Variants in E2F5 observed in about 807,000 individuals in gnomAD.
The protein encoded by E2F5 is E2F transcription factor 5.
A neutral mutation model predicts 39.1 loss-of-function variants in E2F5; 23 were observed. The observed-to-expected ratio is 0.59, with a 90% CI of 0.42 to 0.83. E2F5 has a LOEUF of 0.83. E2F5 is among the 40% of genes least tolerant of loss of function. E2F5 has a pLI of 0.00. For synonymous variants in E2F5, 145 were observed against 157.8 expected (o/e 0.92, Z 0.61); for missense variants, 365 against 406.7 (o/e 0.90, Z 0.88).
chr8:85,182,402 T>A (rs1242313346), intron 1 of E2F5, among the ~76,000 whole-genome samples: 2 of 152,232 alleles, frequency 1.3e-5, no homozygotes, highest in Non-Finnish European at 2.9e-5. Flanking sequence ...CAGTAGAAAG[T>A]GAGAGCTAAG....
chr8:85,177,872 A>T (rs1812120588), intron 1 of E2F5: 1 of 794,466 alleles, frequency 1.3e-6, no homozygotes. Flanking sequence ...ACGCGTAACC[A>T]ATGGGGCCCG....
chr8:85,180,879 G>A (rs1030390362), intron 1 of E2F5, among the ~76,000 whole-genome samples: 1 of 147,728 alleles, frequency 6.8e-6, no homozygotes, highest in East Asian at 2.0e-4. Flanking sequence ...GCGCCCGGCC[G>A]GTCTTGTTTG....
intron 1 of E2F5, 69 bp from the exon 2 acceptor site, chr8:85,202,078 T>C (rs1466096669): frequency 3.9e-6 from 5 of 1,278,556 alleles, no homozygotes; most frequent in Non-Finnish European, 5.6e-6. Flanking sequence ...GATTTAATAA[T>C]CAACCCTTTT....
intron 3 of E2F5, among the ~76,000 whole-genome samples, chr8:85,205,853 G>C (rs1392734845): frequency 6.6e-6 from 1 of 152,188 alleles, no homozygotes; most frequent in Non-Finnish European, 1.5e-5. Context: ...TGTGGAAGCT[G>C]ATATGGTTGC....
intron 1 of E2F5, among the ~76,000 whole-genome samples, chr8:85,184,509 T>C (rs1460421872): frequency 4.6e-5 from 7 of 152,228 alleles, no homozygotes; most frequent in Non-Finnish European, 1.0e-4. Flanking sequence ...TTGGAAGTTC[T>C]GGCCAGGGCA....
chr8:85,206,153 G>C, intron 3 of E2F5, 24 bp from the exon 4 acceptor site: 1 of 1,609,470 alleles, frequency 6.2e-7, no homozygotes, highest in Non-Finnish European at 8.5e-7. Context: ...TATAAATGTC[G>C]TTCCTTAACT....
rs1261910349 is a variant in E2F5, at chr8:85,209,128, C to T, written c.616-14C>T. On this transcript the variant is annotated splice_polypyrimidine_tract_variant and intron_variant, in intron 5 of 7. Coordinates refer to ENST00000416274, the MANE Select transcript of E2F5 (RefSeq NM_001951.4). ...TAATAATTATACATTTGTTTATACC[C>T]AATAACTTCAAAGGGTCAGAATGGA... 1.2e-6 allele frequency: 2 copies of T among 1,611,120 alleles called. No homozygotes were observed. Among genetic ancestry groups the T allele is most frequent in the Non-Finnish European group, 1.7e-6 (2 of 1,177,928 alleles).
chr8:85,214,003 T>G lies in E2F5; in HGVS notation c.*141T>G. On this transcript the variant is annotated 3_prime_UTR_variant, in exon 8 of 8. Coordinates refer to ENST00000416274, the MANE Select transcript of E2F5 (RefSeq NM_001951.4). ...GAAGTGTTCTTCCCTAATACTTTCT[T>G]TACTTCACAAAACTTCAACCATAAA... 1.6e-6 allele frequency: 1 copy of G among 616,894 alleles called. No homozygotes were observed. The highest frequency in any genetic ancestry group is 2.8e-6 in the Non-Finnish European group (1 of 353,710). The allele number at this position is 616,894 out of a possible 1,614,324, so 38.2% of individuals were successfully genotyped here.
At chr8:85,189,872 G>A (rs986843555) in intron 1 of E2F5, among the ~76,000 whole-genome samples, 51 of 152,146 alleles carry the variant, frequency 3.4e-4, no homozygotes, top group African/African-American at 1.2e-3. Context: ...GAAAAAGTCA[G>A]AGAAATGGGC....
chr8:85,213,417 C>G (rs981636788), intron 7 of E2F5: 10 of 161,020 alleles, frequency 6.2e-5, no homozygotes, highest in Non-Finnish European at 8.0e-5. Context: ...TGGCAGGCAC[C>G]TGTAGTCCCA....
chr8:85,204,158 G>A (rs1812752724), intron 3 of E2F5, among the ~76,000 whole-genome samples: 1 of 152,064 alleles, frequency 6.6e-6, no homozygotes, highest in Non-Finnish European at 1.5e-5. Context: ...GCTGTGTTCT[G>A]TGGAGCTCTG....
chr8:85,209,807 G>A (rs1228069402), intron 6 of E2F5, among the ~76,000 whole-genome samples: 3 of 152,126 alleles, frequency 2.0e-5, no homozygotes, highest in Non-Finnish European at 4.4e-5. Flanking sequence ...ATAAATTAGT[G>A]AAATATGTTC....
chr8:85,209,583 ATTCAT>A (rs1366030178), intron 6 of E2F5, among the ~76,000 whole-genome samples, 174 bp downstream of exon 6: 1 of 152,230 alleles, frequency 6.6e-6, no homozygotes, highest in East Asian at 1.9e-4. Flanking sequence ...TAAACACAGT[ATTCAT>A]TTGTTTCATA....
intron 3 of E2F5, among the ~76,000 whole-genome samples, chr8:85,205,753 G>C (rs188319225): frequency 6.6e-6 from 1 of 152,112 alleles, no homozygotes; most frequent in Non-Finnish European, 1.5e-5. Context: ...TTGTTTTTCT[G>C]AGCCTTTCTT....
At chr8:85,190,343 T>C (rs1049619099) in intron 1 of E2F5, among the ~76,000 whole-genome samples, 1 of 151,210 alleles carries the variant, frequency 6.6e-6, no homozygotes, top group Non-Finnish European at 1.5e-5. Context: ...TTTTTTTTTT[T>C]CCTTCTTTTA....
intron 1 of E2F5, among the ~76,000 whole-genome samples, chr8:85,192,368 G>A (rs1812484181): frequency 6.6e-6 from 1 of 152,170 alleles, no homozygotes; most frequent in African/African-American, 2.4e-5. Context: ...ATAAAGTTGA[G>A]GGCTTCCTGT....
Position 85,180,499 on chromosome 8 carries a change from A to AAAG in E2F5, c.234+2848_234+2850dup, listed in dbSNP as rs1554682010. 2.4e-5 allele frequency among the ~76,000 whole-genome samples: 3 copies of AAAG among 126,466 alleles called. No individual in the cohort carries two copies. In the Admixed American group the frequency reaches 2.6e-4, roughly 11 times the overall value. The allele number at this position is 126,466 out of a possible 152,430, so 83.0% of individuals were successfully genotyped here. ...ATACACTTGACTTTTAAACGCAGTT[A>AAAG]AAGAAACTATACATATATATATATA... On this transcript the variant is annotated intron_variant, in intron 1 of 7. Transcript: ENST00000416274.
At position 85,207,320 on chromosome 8, in the gene E2F5, G is replaced by C. The variant is rs1587499378; in HGVS notation, c.551-105G>C. 3.6e-5 allele frequency: 32 copies of C among 886,324 alleles called. No individual in the cohort carries two copies. The South Asian group carries it at 5.6e-4, about 15-fold the overall frequency. 54.9% of individuals were successfully genotyped at this position (886,324 alleles called of 1,614,324 possible). A position where few individuals can be genotyped will look rare whatever the true frequency, so the allele number is the denominator to read the frequency against. On this transcript the variant is annotated intron_variant, in intron 4 of 7. Coordinates refer to ENST00000416274, the MANE Select transcript of E2F5 (RefSeq NM_001951.4). ...GAAAATCAAAGCTCAAGGTCACCTA[G>C]TTTGGGATTGAACCAAACACTCTGA...
rs760888351 is a variant in E2F5, at chr8:85,206,218, A to G, written c.548A>G (p.Asn183Ser). The change falls in exon 4 of 8, where the codon AAT (asparagine) becomes AGT (serine). Residue 183 changes from asparagine to serine, a missense_variant and splice_region_variant. Transcript: ENST00000416274. The part of the protein sequence containing the change: ...VTHEDICNCF[N>S]GDTLLAIQAP... ...CATGAAGACATCTGTAATTGCTTTAATGGTAAGTACCATTAGACTTTTCCT... is the reference window on the plus strand; with the variant it reads ...CATGAAGACATCTGTAATTGCTTTAGTGGTAAGTACCATTAGACTTTTCCT... The G allele has an allele frequency of 6.2e-6, 10 of 1,612,988 alleles. No homozygotes were observed. Among genetic ancestry groups the G allele is most frequent in the Non-Finnish European group, 8.5e-6 (10 of 1,179,430 alleles).
Sources: allele counts gnomAD v4.1 joint callset (sites outside exome capture counted in the v4.1 genomes callset), GRCh38; gene constraint gnomAD v4.1.1; transcripts MANE v1.5; gene names NCBI Gene and HGNC (gene_info 2026-07-23, HGNC 2026-07-21).